GALNT13: variants seen among roughly 807,000 people sequenced by gnomAD.
GALNT13 encodes UDP-GalNAc:polypeptide N-acetylgalactosaminyltransferase 13.
A neutral mutation model predicts 64.2 loss-of-function variants in GALNT13; 28 were observed. That is an observed-to-expected ratio of 0.44 (90% CI 0.32 to 0.60). The LOEUF is 0.60. Ranked by LOEUF, GALNT13 falls within the 20% of genes least tolerant of loss-of-function variation. GALNT13 has a pLI of 0.05. For synonymous variants in GALNT13, 214 were observed against 224.6 expected (o/e 0.95, Z 0.42); for missense variants, 577 against 669.8 (o/e 0.86, Z 1.53).
At chr2:153,703,072 A>C in the GALNT13 span, among the ~76,000 whole-genome samples, 2 of 152,172 alleles carry the variant, frequency 1.3e-5, no homozygotes, top group Non-Finnish European at 2.9e-5. Context: ...GAGTGATTAC[A>C]TGAGTCAAGG....
At chr2:154,114,500 C>T (rs1703170873) in intron 3 of GALNT13, among the ~76,000 whole-genome samples, 2 of 152,104 alleles carry the variant, frequency 1.3e-5, no homozygotes, top group Admixed American at 1.3e-4. Flanking sequence ...CCTGAAATGC[C>T]TATCATTTCT....
At chr2:153,233,798 G>T in the GALNT13 span, among the ~76,000 whole-genome samples, 1 of 152,140 alleles carries the variant, frequency 6.6e-6, no homozygotes, top group Admixed American at 6.6e-5. Context: ...GTTTGTAGCA[G>T]GTCTTAGGAG....
At chr2:153,540,702 A>G in the GALNT13 span, among the ~76,000 whole-genome samples, 1 of 152,234 alleles carries the variant, frequency 6.6e-6, no homozygotes, top group South Asian at 2.1e-4. Flanking sequence ...GATGTGAGAC[A>G]TGGAATCAAA....
chr2:153,262,884 C>G, the GALNT13 span, among the ~76,000 whole-genome samples: 3 of 152,188 alleles, frequency 2.0e-5, no homozygotes, highest in Non-Finnish European at 4.4e-5. Flanking sequence ...CACTTGAAAA[C>G]TGGCACAAGA....
At chr2:154,362,304 A>G (rs539864852) in intron 9 of GALNT13, among the ~76,000 whole-genome samples, 75 of 129,600 alleles carry the variant, frequency 5.8e-4, no homozygotes, top group African/African-American at 2.1e-3. Context: ...TTGAGTCTGG[A>G]CTAGTCTTAT....
At chr2:154,229,871 G>T (rs2105843095) in intron 4 of GALNT13, among the ~76,000 whole-genome samples, 1 of 152,222 alleles carries the variant, frequency 6.6e-6, no homozygotes, top group East Asian at 1.9e-4. Context: ...GAAGCCTTTA[G>T]ACTTTATCAT....
At chr2:154,231,101 G>C (rs1479988797) in intron 4 of GALNT13, among the ~76,000 whole-genome samples, 1 of 151,916 alleles carries the variant, frequency 6.6e-6, no homozygotes, top group African/African-American at 2.4e-5. Flanking sequence ...CATTTGACTT[G>C]CTCCTTTCCT....
At chr2:153,756,102 TTA>T in the GALNT13 span, among the ~76,000 whole-genome samples, 1 of 152,136 alleles carries the variant, frequency 6.6e-6, no homozygotes, top group African/African-American at 2.4e-5. Context: ...TAAGTACACA[TTA>T]TGTCTTTCTT....
the GALNT13 span, among the ~76,000 whole-genome samples, chr2:153,444,134 T>G: frequency 6.6e-6 from 1 of 152,180 alleles, no homozygotes; most frequent in Admixed American, 6.5e-5. Context: ...TATCTATCCA[T>G]TTATTCATCT....
intron 10 of GALNT13, among the ~76,000 whole-genome samples, chr2:154,406,528 A>G (rs1699550566): frequency 1.3e-5 from 2 of 152,058 alleles, no homozygotes; most frequent in African/African-American, 4.8e-5. Context: ...GGGAGCATCC[A>G]TTTGCTGTTC....
intron 9 of GALNT13, among the ~76,000 whole-genome samples, chr2:154,303,918 C>A (rs528162859): frequency 1.3e-5 from 2 of 151,894 alleles, no homozygotes; most frequent in Non-Finnish European, 2.9e-5. Flanking sequence ...CCACCATGGC[C>A]GGCTAATTTT....
At chr2:154,153,636 C>A (rs1422546313) in intron 4 of GALNT13, among the ~76,000 whole-genome samples, 1 of 152,216 alleles carries the variant, frequency 6.6e-6, no homozygotes, top group East Asian at 1.9e-4. Context: ...TGGGCAATGG[C>A]GGGCGCCCCT....
At chr2:153,346,274 A>C in the GALNT13 span, among the ~76,000 whole-genome samples, 4 of 152,120 alleles carry the variant, frequency 2.6e-5, no homozygotes, top group Non-Finnish European at 4.4e-5. Flanking sequence ...GAAATTACCA[A>C]ATCTTCTATA....
chr2:154,402,436 A>G (rs942309735), intron 10 of GALNT13, among the ~76,000 whole-genome samples: 13 of 152,344 alleles, frequency 8.5e-5, no homozygotes, highest in Admixed American at 7.2e-4. Context: ...CACAAGGGGG[A>G]AAAATGCCCT....
rs547613064 is a variant in GALNT13 at position 154,419,983 on chromosome 2, T to C, written c.1395+10901T>C. On this transcript the variant is annotated intron_variant, in intron 11 of 12. Coordinates refer to ENST00000392825, the MANE Select transcript of GALNT13 (RefSeq NM_052917.4). ...ATAAGGCTTAAACATTAAAATGATATTCTGTTTTTTAATGTACATAAATGT... is the reference window on the plus strand; with the variant it reads ...ATAAGGCTTAAACATTAAAATGATACTCTGTTTTTTAATGTACATAAATGT... 4.7e-4 allele frequency among the ~76,000 whole-genome samples: 72 copies of C among 152,272 alleles called. 1 individual carries two copies. The highest frequency in any genetic ancestry group is 1.6e-3 in the African/African-American group (67 of 41,570).
At chr2:153,362,655 T>C in the GALNT13 span, among the ~76,000 whole-genome samples, 1 of 149,784 alleles carries the variant, frequency 6.7e-6, no homozygotes, top group East Asian at 2.0e-4. Flanking sequence ...TATTATATAA[T>C]GGTAAAGGAA....
At chr2:153,101,546 C>T in the GALNT13 span, among the ~76,000 whole-genome samples, 2 of 152,170 alleles carry the variant, frequency 1.3e-5, no homozygotes, top group African/African-American at 4.8e-5. Flanking sequence ...AAATGTAATG[C>T]ACTGCATTCT....
the GALNT13 span, among the ~76,000 whole-genome samples, chr2:153,412,171 A>T: frequency 6.6e-6 from 1 of 152,070 alleles, no homozygotes; most frequent in Non-Finnish European, 1.5e-5. Flanking sequence ...GCCTATTGTG[A>T]GACCTATATC....
At chr2:153,171,668 G>T in the GALNT13 span, among the ~76,000 whole-genome samples, 1 of 152,108 alleles carries the variant, frequency 6.6e-6, no homozygotes, top group South Asian at 2.1e-4. Flanking sequence ...CCTAGAATCT[G>T]GCTGTAACCT....
Sources: allele counts gnomAD v4.1 joint callset (sites outside exome capture counted in the v4.1 genomes callset), GRCh38; gene constraint gnomAD v4.1.1; transcripts MANE v1.5; gene names NCBI Gene and HGNC (gene_info 2026-07-23, HGNC 2026-07-21).